NPAS3: variants seen among roughly 807,000 people sequenced by gnomAD.
The protein encoded by NPAS3 is neuronal PAS domain protein 3.
A neutral mutation model predicts 73.1 loss-of-function variants in NPAS3; 14 were observed. That is an observed-to-expected ratio of 0.19 (90% confidence interval 0.13 to 0.30). The LOEUF is 0.30. Among genes scored for constraint, NPAS3 ranks in the 10% least tolerant of loss-of-function variants. NPAS3 has a pLI of 1.00. For synonymous variants in NPAS3, 620 were observed against 541.5 expected (o/e 1.14, Z -2.01); for missense variants, 1,096 against 1,250.0 (o/e 0.88, Z 1.86).
chr14:33,092,542 T>C (rs751032409), intron 2 of NPAS3, among the ~76,000 whole-genome samples: 6 of 152,094 alleles, frequency 3.9e-5, no homozygotes, highest in African/African-American at 1.2e-4. Context: ...GGCCATACTG[T>C]CCAAGGTAAT....
chr14:33,411,936 G>GTGGTTA (rs2047945818), intron 4 of NPAS3, among the ~76,000 whole-genome samples: 1 of 152,138 alleles, frequency 6.6e-6, no homozygotes, highest in Non-Finnish European at 1.5e-5. Flanking sequence ...GGCCACCAGA[G>GTGGTTA]TGGTTATGTC....
intron 3 of NPAS3, among the ~76,000 whole-genome samples, chr14:33,250,811 G>A (rs1017932185): frequency 1.4e-4 from 21 of 151,882 alleles, no homozygotes; most frequent in African/African-American, 4.8e-4. Context: ...ACTTGAGTAG[G>A]GTTATTTTTT....
At chr14:33,251,662 C>G (rs2048588975) in intron 3 of NPAS3, among the ~76,000 whole-genome samples, 2 of 151,974 alleles carry the variant, frequency 1.3e-5, no homozygotes, top group South Asian at 4.1e-4. Context: ...ATAACAAAAA[C>G]ATTATCTCAG....
chr14:33,378,643 A>G (rs1003928619), intron 4 of NPAS3, among the ~76,000 whole-genome samples: 1 of 152,150 alleles, frequency 6.6e-6, no homozygotes, highest in African/African-American at 2.4e-5. Flanking sequence ...CTCAAAAAAA[A>G]TAAATAAAAT....
chr14:33,613,624 C>G (rs2057820635), intron 5 of NPAS3, among the ~76,000 whole-genome samples: 1 of 152,114 alleles, frequency 6.6e-6, no homozygotes, highest in Admixed American at 6.5e-5. Context: ...ATGTCCCTGC[C>G]TCAGTGGCTT....
intron 1 of NPAS3, among the ~76,000 whole-genome samples, chr14:33,007,994 A>C (rs2039057765): frequency 6.6e-6 from 1 of 152,218 alleles, no homozygotes; most frequent in African/African-American, 2.4e-5. Context: ...CCATAGTTTA[A>C]ATTTATTCCA....
intron 2 of NPAS3, among the ~76,000 whole-genome samples, chr14:33,114,932 A>G (rs1303476590): frequency 6.6e-6 from 1 of 152,172 alleles, no homozygotes; most frequent in African/African-American, 2.4e-5. Context: ...CAGCCTGAGG[A>G]TATGGGCTGT....
At chr14:33,215,479 A>G (rs746509841) in intron 3 of NPAS3, 53 bp downstream of exon 3, 146 of 1,588,140 alleles carry the variant, frequency 9.2e-5, no homozygotes, top group Non-Finnish European at 1.1e-4. Flanking sequence ...AGGGGTCTGT[A>G]AGACAAAATG....
intron 1 of NPAS3, among the ~76,000 whole-genome samples, chr14:33,021,845 G>A (rs1248289324): frequency 6.6e-6 from 1 of 152,130 alleles, no homozygotes; most frequent in African/African-American, 2.4e-5. Flanking sequence ...TTGCAGGAGT[G>A]GTAATAGAAC....
At position 33,719,783 on chromosome 14, in the gene NPAS3, G is replaced by A. The variant is rs187530987; in HGVS notation, c.734-15431G>A. Among the ~76,000 whole-genome samples, 115 of 152,172 alleles carry A rather than the reference G, an allele frequency of 7.6e-4. 1 individual carries two copies. The highest frequency in any genetic ancestry group is 2.3e-3 in the African/African-American group (96 of 41,512). The stretch of plus-strand genomic sequence containing the variant: ...ACATTAGGGAAGTGAACCGTCATAT[G>A]GTAAAGATTGTCTTGCTCTTTGTCC... On this transcript the variant is annotated intron_variant, in intron 6 of 11. Coordinates refer to ENST00000356141, the Ensembl canonical transcript of NPAS3.
intron 4 of NPAS3, among the ~76,000 whole-genome samples, chr14:33,510,438 A>G (rs2052991472): frequency 6.6e-6 from 1 of 151,970 alleles, no homozygotes; most frequent in South Asian, 2.1e-4. Context: ...AAATTAAATC[A>G]CTTCCAGTTC....
At chr14:33,731,423 G>T (rs1361131659) in intron 6 of NPAS3, among the ~76,000 whole-genome samples, 4 of 121,606 alleles carry the variant, frequency 3.3e-5, no homozygotes, top group East Asian at 2.3e-4. Context: ...TGTCTCATTT[G>T]AAAAAAAAAA....
chr14:33,544,789 TA>T lies in NPAS3; in HGVS notation c.469-15331del, dbSNP rs2054711522. ...CATGTATGTGTTTATGTGTGTGTAT[TA>T]TATATATATATATATATATATGTAT... On this transcript the variant is annotated intron_variant, in intron 4 of 11. Transcript: ENST00000356141. 1.9e-4 allele frequency among the ~76,000 whole-genome samples: 15 copies of T among 77,664 alleles called. 2 individuals carry two copies. Among genetic ancestry groups the T allele is most frequent in the Non-Finnish European group, 3.1e-4 (13 of 42,038 alleles). 51.0% of individuals were successfully genotyped at this position (77,664 alleles called of 152,430 possible). A position where few individuals can be genotyped will look rare whatever the true frequency, so the allele number is the denominator to read the frequency against.
chr14:33,347,031 C>T (rs1297805949), intron 3 of NPAS3, among the ~76,000 whole-genome samples: 1 of 152,172 alleles, frequency 6.6e-6, no homozygotes, highest in Non-Finnish European at 1.5e-5. Context: ...GATAAAATAA[C>T]CTTTACCTTG....
Position 33,676,349 on chromosome 14 carries a change from G to C in NPAS3, c.697G>C (p.Ala233Pro), listed in dbSNP as rs1257236436. The C allele has an allele frequency of 4.4e-6, 7 of 1,596,250 alleles. No homozygotes were observed. In the African/African-American group the frequency reaches 5.4e-5, roughly 12 times the overall value. Reference sequence around the variant, plus strand: ...CACTGCTGAGGACGGAGCCAGCTCAGCATCTTCCTCCTCTCAGTCGGAGAC... The same window carrying C: ...CACTGCTGAGGACGGAGCCAGCTCACCATCTTCCTCCTCTCAGTCGGAGAC... Residue 233 changes from alanine to proline, a missense_variant, in exon 6 of 12, where the codon GCA becomes CCA. Physicochemically the swap from Ala to Pro is conservative, Grantham distance 27. Transcript: ENST00000356141.
At chr14:33,009,392 G>C (rs2039112005) in intron 1 of NPAS3, among the ~76,000 whole-genome samples, 2 of 152,136 alleles carry the variant, frequency 1.3e-5, no homozygotes, top group Admixed American at 1.3e-4. Context: ...GGGCCTCAAT[G>C]CAAAGTTTGG....
intron 2 of NPAS3, among the ~76,000 whole-genome samples, chr14:33,160,003 TA>T (rs896250543): frequency 3.4e-4 from 52 of 152,330 alleles, no homozygotes; most frequent in African/African-American, 1.2e-3. Flanking sequence ...TTAAATTTTT[TA>T]AAAATGAAAT....
At chr14:33,577,444 G>T (rs75148976) in intron 5 of NPAS3, among the ~76,000 whole-genome samples, 2 of 152,142 alleles carry the variant, frequency 1.3e-5, no homozygotes, top group African/African-American at 4.8e-5. Context: ...CTATAAAGAG[G>T]GGGGAGGTTT....
In NPAS3 at chr14:33,753,358, TAA is replaced by T. The variant is rs34619014; in HGVS notation, c.852+18040_852+18041del. Among the ~76,000 whole-genome samples the T allele has an allele frequency of 7.3e-4, 94 of 129,444 alleles. 1 individual carries two copies. The highest frequency in any genetic ancestry group is 2.0e-3 in the African/African-American group (71 of 35,850). 84.9% of individuals were successfully genotyped at this position (129,444 alleles called of 152,430 possible). ...GCTTAAGATGATTCTGTTAAATTGATAAAAAAAAAAAAAAACGTACACTCCAC... is the reference window on the plus strand; with the variant it reads ...GCTTAAGATGATTCTGTTAAATTGATAAAAAAAAAAAAACGTACACTCCAC... On this transcript the variant is annotated intron_variant, in intron 7 of 11. Transcript: ENST00000356141.
Sources: allele counts gnomAD v4.1 joint callset (sites outside exome capture counted in the v4.1 genomes callset), GRCh38; gene constraint gnomAD v4.1.1; transcripts MANE v1.5; gene names NCBI Gene and HGNC (gene_info 2026-07-23, HGNC 2026-07-21).